DIPK2B: variants seen among roughly 807,000 people sequenced by gnomAD.
DIPK2B encodes the protein UPF0672 protein CXorf36.
Under a neutral mutation model 22.2 loss-of-function variants are expected in DIPK2B, and 15 were observed. The observed-to-expected ratio is 0.68, with a 90% CI of 0.45 to 1.04. DIPK2B has a LOEUF of 1.04. DIPK2B is among the 50% of genes least tolerant of loss of function. The pLI, the probability that DIPK2B is intolerant of heterozygous loss-of-function variation, is 0.00. For synonymous variants in DIPK2B, 163 were observed against 153.2 expected, an observed-to-expected ratio of 1.06 and a Z score of -0.47; for missense variants, 345 against 348.3, an observed-to-expected ratio of 0.99 and a Z score of 0.08.
At chrX:45,173,129 G>T (rs1248546986) in intron 2 of DIPK2B, among the ~76,000 whole-genome samples, 1 of 111,935 alleles carries the variant, frequency 8.9e-6, no homozygotes, top group Non-Finnish European at 1.9e-5. Flanking sequence ...ATAGGGTTTT[G>T]ACTTTATACA....
At chrX:45,177,734 A>G (rs2047126552) in intron 2 of DIPK2B, among the ~76,000 whole-genome samples, 1 of 111,309 alleles carries the variant, frequency 9.0e-6, no homozygotes, top group Admixed American at 9.6e-5. Flanking sequence ...AATGCCTAAG[A>G]TAAGCCAGTA....
chrX:45,176,508 G>A (rs899732428), intron 2 of DIPK2B, among the ~76,000 whole-genome samples: 2 of 111,933 alleles, frequency 1.8e-5, no homozygotes, highest in Non-Finnish European at 3.8e-5. Context: ...ACAGGTAAAT[G>A]ACTACCTGCT....
chrX:45,167,770 C>T (rs1009761832), intron 2 of DIPK2B, among the ~76,000 whole-genome samples: 9 of 110,972 alleles, frequency 8.1e-5, no homozygotes, highest in South Asian at 3.7e-4. Context: ...CTGCAACCTC[C>T]GCCTCCTGGG....
At chrX:45,162,064 T>G (rs948698727) in intron 2 of DIPK2B, among the ~76,000 whole-genome samples, 2 of 111,142 alleles carry the variant, frequency 1.8e-5, no homozygotes, top group Non-Finnish European at 3.8e-5. Context: ...CTAACCACCA[T>G]GCTGTAAGGA....
At chrX:45,168,141 T>A (rs2047059468) in intron 2 of DIPK2B, among the ~76,000 whole-genome samples, 3 of 112,613 alleles carry the variant, frequency 2.7e-5, no homozygotes, top group Admixed American at 1.9e-4. Context: ...CCAAATCGTT[T>A]CAATGTTGCT....
intron 2 of DIPK2B, chrX:45,163,834 G>T: frequency 1.2e-6 from 1 of 804,211 alleles, no homozygotes; most frequent in Middle Eastern, 6.5e-4. Flanking sequence ...TCCTTATCAG[G>T]TTCTATCTCA....
At chrX:45,161,883 C>T (rs2047024243) in intron 2 of DIPK2B, among the ~76,000 whole-genome samples, 1 of 111,705 alleles carries the variant, frequency 9.0e-6, no homozygotes, top group Non-Finnish European at 1.9e-5. Context: ...GTCACTTCTC[C>T]CATCAAGGGA....
intron 2 of DIPK2B, among the ~76,000 whole-genome samples, chrX:45,165,470 G>A (rs899788400): frequency 1.8e-5 from 2 of 111,070 alleles, no homozygotes; most frequent in Non-Finnish European, 3.8e-5. Flanking sequence ...CCACTCCAAG[G>A]AGGGATTGAG....
At chrX:45,156,478 G>A (rs2046996545) in intron 3 of DIPK2B, among the ~76,000 whole-genome samples, 1 of 112,148 alleles carries the variant, frequency 8.9e-6, no homozygotes, top group South Asian at 3.7e-4. Flanking sequence ...TGGGAGAAAA[G>A]ATCTGTGAGA....
intron 3 of DIPK2B, among the ~76,000 whole-genome samples, chrX:45,154,821 T>C (rs961179310): frequency 1.8e-5 from 2 of 111,049 alleles, no homozygotes; most frequent in Non-Finnish European, 3.8e-5. Flanking sequence ...CTTTTTTTTT[T>C]TTTTAAGAGA....
intron 2 of DIPK2B, among the ~76,000 whole-genome samples, chrX:45,176,893 T>A (rs978346197): frequency 9.0e-6 from 1 of 111,651 alleles, no homozygotes. Context: ...TAATGGATCA[T>A]TGTGCCACCA....
chrX:45,175,049 G>A (rs866112728), intron 2 of DIPK2B, among the ~76,000 whole-genome samples: 1 of 111,642 alleles, frequency 9.0e-6, no homozygotes, highest in African/African-American at 3.3e-5. Flanking sequence ...GGGTAACCTT[G>A]GGCAACGTAT....
At chrX:45,163,382 A>T (rs1043267588) in intron 2 of DIPK2B, 6 of 751,770 alleles carry the variant, frequency 8.0e-6, no homozygotes, top group Non-Finnish European at 9.4e-6. Flanking sequence ...TGCCTGATAC[A>T]CTAGCTAAAG....
intron 2 of DIPK2B, among the ~76,000 whole-genome samples, chrX:45,173,574 C>G (rs1364190637): frequency 1.0e-5 from 1 of 99,811 alleles, no homozygotes; most frequent in Admixed American, 1.1e-4. Context: ...TTCATTCTTT[C>G]TTTCTTTTTC....
intron 1 of DIPK2B, among the ~76,000 whole-genome samples, chrX:45,195,127 G>C (rs956695923): frequency 8.9e-6 from 1 of 112,579 alleles, no homozygotes; most frequent in Admixed American, 9.4e-5. Flanking sequence ...TACTCTTACA[G>C]TGTTGACTAC....
At position 45,168,801 on chromosome X, in the gene DIPK2B, G is replaced by T. The variant is rs949494334; in HGVS notation, c.499-10913C>A. On this transcript the variant is annotated intron_variant, in intron 2 of 4. Coordinates refer to ENST00000398000, the MANE Select transcript of DIPK2B (RefSeq NM_176819.4). ...TGTATTCCCATCGGCCTGCGGAGCGGTCTCTGCTGGATGGATGGACAGCCT... is the reference window on the plus strand; with the variant it reads ...TGTATTCCCATCGGCCTGCGGAGCGTTCTCTGCTGGATGGATGGACAGCCT... 1.3e-4 allele frequency among the ~76,000 whole-genome samples: 14 copies of T among 111,849 alleles called. No homozygotes were observed. In the Middle Eastern group the frequency reaches 0.014, roughly 109 times the overall value.
At chrX:45,187,108 C>T (rs930519313) in intron 2 of DIPK2B, among the ~76,000 whole-genome samples, 1 of 111,894 alleles carries the variant, frequency 8.9e-6, no homozygotes, top group South Asian at 3.7e-4. Context: ...AAAGGCTCTG[C>T]GGCCATCTAG....
intron 2 of DIPK2B, among the ~76,000 whole-genome samples, chrX:45,160,778 G>A (rs990909077): frequency 1.8e-5 from 2 of 111,905 alleles, no homozygotes; most frequent in Non-Finnish European, 3.8e-5. Context: ...TTATCTAGAA[G>A]GGATAGGGGA....
chrX:45,200,455 C>A, intron 1 of DIPK2B, 139 bp downstream of exon 1: 1 of 611,241 alleles, frequency 1.6e-6, no homozygotes, highest in African/African-American at 2.3e-5. Context: ...AACTTCAGAC[C>A]ATTACCACTC....
Sources: allele counts gnomAD v4.1 joint callset (sites outside exome capture counted in the v4.1 genomes callset), GRCh38; gene constraint gnomAD v4.1.1; transcripts MANE v1.5; gene names NCBI Gene and HGNC (gene_info 2026-07-23, HGNC 2026-07-21).